GTF2A1L: variants seen among roughly 807,000 people sequenced by gnomAD.
GTF2A1L encodes general transcription factor IIA subunit 1 like, also known as TFIIA-alpha and beta-like factor.
GTF2A1L carries 48 observed loss-of-function variants against 49.7 expected under a neutral mutation model. The ratio of observed to expected loss-of-function variants is 0.97; its 90% confidence interval spans 0.77 to 1.23. GTF2A1L has a LOEUF of 1.23. Among genes scored for constraint, GTF2A1L ranks in the 50% most tolerant of loss-of-function variants. GTF2A1L has a pLI of 0.00. For missense variants in GTF2A1L, 736 were observed against 564.8 expected, an observed-to-expected ratio of 1.30 and a Z score of -3.07; for synonymous variants, 246 against 193.5, an observed-to-expected ratio of 1.27 and a Z score of -2.25.
At position 48,620,922 on chromosome 2, in the gene GTF2A1L, A is replaced by C. The variant is rs1351131868; in HGVS notation, c.93A>C (p.Ile31=). 6.2e-7 allele frequency: 1 copy of C among 1,606,704 alleles called. No individual in the cohort carries two copies. Among genetic ancestry groups the C allele is most frequent in the Admixed American group, 1.7e-5 (1 of 58,478 alleles). The change falls in exon 2 of 9, where the codon ATA becomes ATC. Residue 31 remains isoleucine, a synonymous_variant. Transcript: ENST00000403751. ...GVRNLFAEEG[I]EEQVLKDLKQ... is the part of the protein sequence containing the mutation. ...GGAATCTATTTGCTGAAGAAGGTAT[A>C]GAGGAACAAGTTTTAAAAGACTTGA...
chr2:48,659,030 C>T (rs1467070037), intron 6 of GTF2A1L, among the ~76,000 whole-genome samples: 5 of 152,156 alleles, frequency 3.3e-5, no homozygotes, highest in Non-Finnish European at 1.5e-5. Context: ...TCTCTCCTGG[C>T]TGGTAAGGTT....
At chr2:48,673,104 T>C (rs532417013) in intron 8 of GTF2A1L, among the ~76,000 whole-genome samples, 19 of 152,332 alleles carry the variant, frequency 1.2e-4, no homozygotes, top group African/African-American at 4.6e-4. Flanking sequence ...GAGTCATCCA[T>C]GTTGTAACAT....
intron 6 of GTF2A1L, among the ~76,000 whole-genome samples, chr2:48,664,117 A>G (rs1321214013): frequency 6.6e-6 from 1 of 152,024 alleles, no homozygotes; most frequent in Non-Finnish European, 1.5e-5. Flanking sequence ...TTCTTCCCAG[A>G]GTGTTTTTTT....
intron 8 of GTF2A1L, among the ~76,000 whole-genome samples, chr2:48,673,859 G>A (rs953912217): frequency 6.6e-6 from 1 of 152,024 alleles, no homozygotes; most frequent in African/African-American, 2.4e-5. Context: ...TATAGGGTAG[G>A]GACCTCTGTA....
At chr2:48,663,637 A>AT (rs1200191151) in intron 6 of GTF2A1L, among the ~76,000 whole-genome samples, 4 of 152,128 alleles carry the variant, frequency 2.6e-5, no homozygotes, top group Non-Finnish European at 4.4e-5. Flanking sequence ...ACATTTAAAA[A>AT]TTTTTTTTAT....
At chr2:48,638,437 A>T (rs965678933) in intron 3 of GTF2A1L, among the ~76,000 whole-genome samples, 1 of 152,346 alleles carries the variant, frequency 6.6e-6, no homozygotes, top group Middle Eastern at 3.4e-3. Context: ...CAAATCAATA[A>T]ATGTGATTCA....
At chr2:48,617,927 A>T in intron 1 of GTF2A1L, 32 bp downstream of exon 1, 1 of 1,550,484 alleles carries the variant, frequency 6.4e-7, no homozygotes, top group Non-Finnish European at 8.7e-7. Context: ...GTGTAGAGGG[A>T]GCGCCCTGGG....
chr2:48,631,302 A>G (rs1676555577), intron 3 of GTF2A1L, among the ~76,000 whole-genome samples: 4 of 151,718 alleles, frequency 2.6e-5, no homozygotes, highest in Admixed American at 2.6e-4. Flanking sequence ...CAATTTTGGA[A>G]CTCGATATTG....
At chr2:48,675,482 G>A (rs924207100) in intron 8 of GTF2A1L, among the ~76,000 whole-genome samples, 1 of 152,058 alleles carries the variant, frequency 6.6e-6, no homozygotes, top group African/African-American at 2.4e-5. Context: ...AACATGTACA[G>A]TGCAAAAGGG....
chr2:48,646,784 C>A lies in GTF2A1L; in HGVS notation c.720C>A (p.His240Gln), dbSNP rs746984904. 6.2e-7 allele frequency: 1 copy of A among 1,614,072 alleles called. No individual in the cohort carries two copies. Among genetic ancestry groups the A allele is most frequent in the Non-Finnish European group, 8.5e-7 (1 of 1,180,048 alleles). Residue 240 changes from histidine to glutamine, a missense_variant, in exon 6 of 9, where the codon CAC becomes CAA. His to Gln is a conservative substitution (Grantham distance 24, BLOSUM62 0). Transcript: ENST00000403751. ...TGTTGTGTCATCAGGAAAGTTCTCA[C>A]TATATCAGTCTTCCAGGTGTTGTAT... is the stretch of plus-strand genomic sequence containing the variant. Reference protein sequence around the residue: ...EALLCHQESSHYISLPGVVFS... With the variant: ...EALLCHQESSQYISLPGVVFS...
At position 48,626,758 on chromosome 2, in the gene GTF2A1L, G is replaced by A. The variant is rs149313900; in HGVS notation, c.247+5468G>A. The stretch of plus-strand genomic sequence containing the variant: ...CTGACTAATTTTTGTATTTTTTGTA[G>A]AGGCAGGGTTTCTCCATACTGCCCA... On this transcript the variant is annotated intron_variant, in intron 3 of 8. Coordinates refer to ENST00000403751, the MANE Select transcript of GTF2A1L (RefSeq NM_006872.5). Among the ~76,000 whole-genome samples, 39 of 144,072 alleles carry A rather than the reference G, an allele frequency of 2.7e-4. 3 individuals are homozygous for A. In the East Asian group the frequency reaches 7.0e-3, roughly 26 times the overall value. 94.5% of individuals were successfully genotyped at this position (144,072 alleles called of 152,430 possible).
At chr2:48,654,134 G>A (rs1315041149) in intron 6 of GTF2A1L, among the ~76,000 whole-genome samples, 37 of 152,156 alleles carry the variant, frequency 2.4e-4, no homozygotes. Flanking sequence ...TTTGTTGTTG[G>A]TACACCACAT....
intron 4 of GTF2A1L, among the ~76,000 whole-genome samples, chr2:48,642,972 T>A (rs1677286321): frequency 6.6e-6 from 1 of 152,216 alleles, no homozygotes; most frequent in African/African-American, 2.4e-5. Flanking sequence ...AGTTTTCCTG[T>A]CTTTCAGAGC....
In GTF2A1L at chr2:48,671,649, C is replaced by T. The variant is rs567322233; in HGVS notation, c.1298C>T (p.Thr433Met). 2.9e-5 allele frequency: 46 copies of T among 1,613,434 alleles called. No homozygotes were observed. The highest frequency in any genetic ancestry group is 1.3e-4 in the Admixed American group (8 of 59,990). Reference sequence around the variant, plus strand: ...CAGGATGTGCCAGACCTGTTTGACACGGATAATGTTATTGTCTGTCAGTAT... The same window carrying T: ...CAGGATGTGCCAGACCTGTTTGACATGGATAATGTTATTGTCTGTCAGTAT... ...SEQDVPDLFD[T>M]DNVIVCQYDK... Residue 433 changes from threonine to methionine, a missense_variant, in exon 8 of 9, where the codon ACG (threonine) becomes ATG (methionine). By Grantham distance (81) the Thr-to-Met change is moderately conservative. Transcript: ENST00000403751.
At chr2:48,648,195 G>A (rs1677644110) in intron 6 of GTF2A1L, among the ~76,000 whole-genome samples, 1 of 151,874 alleles carries the variant, frequency 6.6e-6, no homozygotes, top group Non-Finnish European at 1.5e-5. Context: ...TTTTCTATAA[G>A]TGTTCATATT....
At chr2:48,628,397 G>T (rs1676406369) in intron 3 of GTF2A1L, among the ~76,000 whole-genome samples, 1 of 143,788 alleles carries the variant, frequency 7.0e-6, no homozygotes, top group African/African-American at 2.5e-5. Flanking sequence ...GTTGCTTTTT[G>T]ACTTTTTAAT....
chr2:48,640,419 C>T (rs1472944112), intron 3 of GTF2A1L, among the ~76,000 whole-genome samples: 3 of 152,028 alleles, frequency 2.0e-5, no homozygotes, highest in African/African-American at 7.2e-5. Flanking sequence ...AGGCTATTAT[C>T]TTCAACAAAC....
At chr2:48,642,342 A>C in intron 3 of GTF2A1L, 60 bp from the exon 4 acceptor site, 1 of 1,424,226 alleles carries the variant, frequency 7.0e-7, no homozygotes, top group East Asian at 2.5e-5. Context: ...AGCTATATTT[A>C]GTGATTTTAT....
intron 8 of GTF2A1L, among the ~76,000 whole-genome samples, chr2:48,676,833 C>CATCTATATCTAT (rs70946822): frequency 6.6e-6 from 1 of 150,862 alleles, no homozygotes; most frequent in East Asian, 1.9e-4. Flanking sequence ...ATATCTATAT[C>CATCTATATCTAT]ATCTATATCT....
Sources: allele counts gnomAD v4.1 joint callset (sites outside exome capture counted in the v4.1 genomes callset), GRCh38; gene constraint gnomAD v4.1.1; transcripts MANE v1.5; gene names NCBI Gene and HGNC (gene_info 2026-07-23, HGNC 2026-07-21).